BCL2L13: variants seen among roughly 807,000 people sequenced by gnomAD.
BCL2L13 encodes bcl-2-like protein 13.
Under a neutral mutation model 25.8 loss-of-function variants are expected in BCL2L13, and 13 were observed. That is an observed-to-expected ratio of 0.50 (90% CI 0.33 to 0.80). The LOEUF is 0.80. Ranked by LOEUF, BCL2L13 falls within the 30% of genes least tolerant of loss-of-function variation. The pLI, the probability that BCL2L13 is intolerant of heterozygous loss-of-function variation, is 0.02. For missense variants in BCL2L13, 504 were observed against 574.9 expected (o/e 0.88, Z 1.26); for synonymous variants, 244 against 230.3 (o/e 1.06, Z -0.54).
chr22:17,693,403 G>A lies in BCL2L13; in HGVS notation c.387-2738G>A, dbSNP rs1368072680. Among the ~76,000 whole-genome samples the A allele has an allele frequency of 6.1e-5, 7 of 114,678 alleles. 1 individual carries two copies. Among genetic ancestry groups the A allele is most frequent in the South Asian group, 5.2e-4 (2 of 3,822 alleles). The allele number at this position is 114,678 out of a possible 152,430, so 75.2% of individuals were successfully genotyped here. ...TTTTTTTTTTTTTTTTTTTGGAGACGGAGTCTCGCTCTGTCACCCAGGCTG... is the reference window on the plus strand; with the variant it reads ...TTTTTTTTTTTTTTTTTTTGGAGACAGAGTCTCGCTCTGTCACCCAGGCTG... On this transcript the variant is annotated intron_variant, in intron 4 of 6. Transcript: ENST00000317582.
intron 6 of BCL2L13, among the ~76,000 whole-genome samples, chr22:17,705,604 CT>C (rs941963154): frequency 6.7e-6 from 1 of 150,030 alleles, no homozygotes; most frequent in South Asian, 2.1e-4. Context: ...GCCGATATTG[CT>C]TTTTTTTTAA....
At chr22:17,695,252 A>G (rs1217044698) in intron 4 of BCL2L13, among the ~76,000 whole-genome samples, 1 of 152,198 alleles carries the variant, frequency 6.6e-6, no homozygotes, top group Non-Finnish European at 1.5e-5. Flanking sequence ...GCTGGAAAAT[A>G]TACTTTCCTG....
chr22:17,652,135 T>C (rs914567543), intron 1 of BCL2L13, among the ~76,000 whole-genome samples: 1 of 152,206 alleles, frequency 6.6e-6, no homozygotes, highest in Non-Finnish European at 1.5e-5. Flanking sequence ...TATCATATGT[T>C]GAAAATGCAT....
chr22:17,665,801 G>A (rs1426317855), intron 2 of BCL2L13, among the ~76,000 whole-genome samples: 1 of 151,900 alleles, frequency 6.6e-6, no homozygotes, highest in African/African-American at 2.4e-5. Context: ...GCCTTATTGT[G>A]GTAGCTTATT....
chr22:17,649,754 C>T (rs1193189691), intron 1 of BCL2L13, among the ~76,000 whole-genome samples: 3 of 151,992 alleles, frequency 2.0e-5, no homozygotes, highest in African/African-American at 2.4e-5. Flanking sequence ...GCACCCGCCT[C>T]GGCCTCCCAA....
Position 17,721,469 on chromosome 22 carries a change from AT to A in BCL2L13, c.601-5206del, listed in dbSNP as rs542169471. ...GGCTTCAGCGTGGTTAAAAAAATAC[AT>A]TCTTTTAAATAAATGGAAATAGTTT... is the stretch of plus-strand genomic sequence containing the variant. On this transcript the variant is annotated intron_variant, in intron 6 of 6. Transcript: ENST00000317582. Among the ~76,000 whole-genome samples the A allele has an allele frequency of 1.4e-3, 206 of 150,188 alleles. 1 individual carries two copies. Among genetic ancestry groups the A allele is most frequent in the African/African-American group, 4.4e-3 (182 of 40,974 alleles).
chr22:17,680,192 G>C (rs2146690364), intron 2 of BCL2L13, among the ~76,000 whole-genome samples: 1 of 127,222 alleles, frequency 7.9e-6, no homozygotes, highest in South Asian at 2.5e-4. Context: ...TCCAGCCTGG[G>C]CAGCAAGGGC....
At chr22:17,652,861 G>A (rs1200493857) in intron 1 of BCL2L13, among the ~76,000 whole-genome samples, 5 of 152,044 alleles carry the variant, frequency 3.3e-5, no homozygotes, top group African/African-American at 1.2e-4. Flanking sequence ...TCAGGAGATC[G>A]AGACCATCCT....
upstream of BCL2L13, chr22:17,638,728 C>T: frequency 8.1e-7 from 1 of 1,231,722 alleles, no homozygotes; most frequent in Non-Finnish European, 1.0e-6. Context: ...CCGACGCCGG[C>T]CGTGACGAAG....
chr22:17,684,655 C>G (rs950935831), intron 3 of BCL2L13: 2 of 453,104 alleles, frequency 4.4e-6, no homozygotes, highest in South Asian at 1.6e-5. Context: ...CCTCCATCTC[C>G]CAGGTTCAAA....
intron 1 of BCL2L13, among the ~76,000 whole-genome samples, chr22:17,646,932 C>CATAT (rs1170982043): frequency 0.019 from 618 of 32,156 alleles, 14 homozygotes; most frequent in Middle Eastern, 0.045. Context: ...GTATAAACTA[C>CATAT]ATATATATAT....
chr22:17,710,583 A>G lies in BCL2L13; in HGVS notation c.600+8197A>G, dbSNP rs575297875. 1.4e-3 allele frequency among the ~76,000 whole-genome samples: 214 copies of G among 152,036 alleles called. 1 individual carries two copies. Among genetic ancestry groups the G allele is most frequent in the African/African-American group, 4.7e-3 (195 of 41,460 alleles). On this transcript the variant is annotated intron_variant, in intron 6 of 6. Transcript: ENST00000317582. Reference sequence around the variant, plus strand: ...TGACAGAGCAAGACTCTGTCTCAAAAAAAAGTAAATAAAAATAAAAAATAA... The same window carrying G: ...TGACAGAGCAAGACTCTGTCTCAAAGAAAAGTAAATAAAAATAAAAAATAA...
chr22:17,654,055 T>A (rs368819863), intron 1 of BCL2L13, among the ~76,000 whole-genome samples: 2 of 152,124 alleles, frequency 1.3e-5, no homozygotes, highest in East Asian at 1.9e-4. Flanking sequence ...GCTTAATAAA[T>A]GTGTGTTGAA....
At chr22:17,671,726 TCAGA>T (rs2059426444) in intron 2 of BCL2L13, among the ~76,000 whole-genome samples, 1 of 151,986 alleles carries the variant, frequency 6.6e-6, no homozygotes. Flanking sequence ...GTTTTCTTTT[TCAGA>T]CAGAGTCTCA....
At chr22:17,684,381 C>CTAAATT (rs1009323156) in intron 3 of BCL2L13, among the ~76,000 whole-genome samples, 9 of 152,164 alleles carry the variant, frequency 5.9e-5, no homozygotes, top group African/African-American at 2.2e-4. Flanking sequence ...TCACCATGAT[C>CTAAATT]TAAATTTAGA....
At chr22:17,645,042 C>T (rs993347187) in intron 1 of BCL2L13, among the ~76,000 whole-genome samples, 2 of 150,482 alleles carry the variant, frequency 1.3e-5, no homozygotes, top group Non-Finnish European at 2.9e-5. Context: ...ATCTCCTAAC[C>T]TCGTGATCCA....
intron 6 of BCL2L13, among the ~76,000 whole-genome samples, chr22:17,707,666 A>T (rs1229523767): frequency 6.6e-6 from 1 of 152,186 alleles, no homozygotes; most frequent in Non-Finnish European, 1.5e-5. Flanking sequence ...TATATATATA[A>T]AGTCTGAGAA....
At chr22:17,651,547 A>G (rs2058688602) in intron 1 of BCL2L13, among the ~76,000 whole-genome samples, 1 of 148,760 alleles carries the variant, frequency 6.7e-6, no homozygotes, top group African/African-American at 2.5e-5. Context: ...GTGCCCGGCT[A>G]ATTTTTGTAT....
intron 6 of BCL2L13, among the ~76,000 whole-genome samples, chr22:17,721,522 G>A (rs1430937797): frequency 2.4e-4 from 25 of 105,190 alleles, no homozygotes; most frequent in East Asian, 8.9e-4. Flanking sequence ...ACACTTATAA[G>A]AAATTTTTTT....
Sources: allele counts gnomAD v4.1 joint callset (sites outside exome capture counted in the v4.1 genomes callset), GRCh38; gene constraint gnomAD v4.1.1; transcripts MANE v1.5; gene names NCBI Gene and HGNC (gene_info 2026-07-23, HGNC 2026-07-21).